Variants in NOS1AP observed in about 807,000 individuals in gnomAD.
NOS1AP encodes the protein carboxyl-terminal PDZ ligand of neuronal nitric oxide synthase protein.
Under a neutral mutation model 56.2 loss-of-function variants are expected in NOS1AP, and 21 were observed. The ratio of observed to expected loss-of-function variants is 0.37; its 90% CI spans 0.26 to 0.54. The LOEUF is 0.54. Among genes scored for constraint, NOS1AP ranks in the 20% least tolerant of loss-of-function variants. The probability of loss-of-function intolerance (pLI) is 0.84; values close to 1 mark genes in which losing one functional copy is unlikely to be tolerated. For synonymous variants in NOS1AP, 270 were observed against 274.6 expected (o/e 0.98, Z 0.17); for missense variants, 522 against 657.8 (o/e 0.79, Z 2.26).
At chr1:162,184,317 A>T (rs1398601642) in intron 2 of NOS1AP, among the ~76,000 whole-genome samples, 1 of 152,242 alleles carries the variant, frequency 6.6e-6, no homozygotes, top group Non-Finnish European at 1.5e-5. Context: ...ACAAATTATC[A>T]TAACAGAGAT....
intron 1 of NOS1AP, among the ~76,000 whole-genome samples, chr1:162,139,615 A>G (rs1267568632): frequency 6.6e-6 from 1 of 152,214 alleles, no homozygotes; most frequent in Non-Finnish European, 1.5e-5. Flanking sequence ...CTTTGTAGGA[A>G]GAACAGGGAT....
intron 4 of NOS1AP, chr1:162,316,855 G>A (rs1191614787): frequency 6.4e-6 from 1 of 156,658 alleles, no homozygotes; most frequent in Non-Finnish European, 1.4e-5. Flanking sequence ...ATCAGTTAAG[G>A]TTATTTTCAC....
At chr1:162,177,671 T>G (rs1446618934) in intron 2 of NOS1AP, among the ~76,000 whole-genome samples, 1 of 152,250 alleles carries the variant, frequency 6.6e-6, no homozygotes, top group Non-Finnish European at 1.5e-5. Flanking sequence ...ATGTGATTTT[T>G]CTATTTTTTA....
chr1:162,277,296 T>C (rs6670809), intron 2 of NOS1AP, among the ~76,000 whole-genome samples: 29,816 of 152,184 alleles, frequency 0.2, 3,051 homozygotes, highest in East Asian at 0.3. Flanking sequence ...GCTGAATGAT[T>C]GCTCGACAGA....
intron 1 of NOS1AP, among the ~76,000 whole-genome samples, chr1:162,121,854 C>T (rs577406005): frequency 9.9e-5 from 15 of 152,240 alleles, no homozygotes; most frequent in African/African-American, 2.9e-4. Flanking sequence ...ATCATGTTCC[C>T]GCACAGAGTA....
chr1:162,127,511 G>A (rs1648542071), intron 1 of NOS1AP, among the ~76,000 whole-genome samples: 1 of 150,682 alleles, frequency 6.6e-6, no homozygotes, highest in Non-Finnish European at 1.5e-5. Flanking sequence ...GAAATAACCT[G>A]AGACTGGGTA....
At chr1:162,364,066 A>AG in intron 8 of NOS1AP, 1 of 985,432 alleles carries the variant, frequency 1.0e-6, no homozygotes, top group East Asian at 1.1e-4. Context: ...CACTTGGCCA[A>AG]GGGTGGCCAA....
intron 2 of NOS1AP, among the ~76,000 whole-genome samples, chr1:162,184,469 C>A (rs1331655291): frequency 5.9e-5 from 9 of 151,992 alleles, no homozygotes; most frequent in African/African-American, 1.9e-4. Context: ...AACAAACAAA[C>A]AAAAAAACCC....
In NOS1AP at chr1:162,369,065, G is replaced by GGT. The variant is rs369596203; in HGVS notation, c.*1613_*1614dup. ...GGTGTCAGTGGAAATAGGATCAGGTGGTGTGTGTGTGTGTGTTTTGTGTGT... is the reference window on the plus strand; with the variant it reads ...GGTGTCAGTGGAAATAGGATCAGGTGGTGTGTGTGTGTGTGTGTTTTGTGTGT... On this transcript the variant is annotated 3_prime_UTR_variant, in exon 10 of 10. Transcript: ENST00000361897. The GGT allele has an allele frequency of 0.075, 11,432 of 151,662 alleles. 512 individuals are homozygous for GGT. Among genetic ancestry groups the GGT allele is most frequent in the South Asian group, 0.13 (625 of 4,778 alleles). The allele number at this position is 151,662 out of a possible 1,614,324, so 9.4% of individuals were successfully genotyped here.
intron 2 of NOS1AP, among the ~76,000 whole-genome samples, chr1:162,241,905 C>T (rs1285665745): frequency 1.3e-5 from 2 of 152,178 alleles, no homozygotes; most frequent in Admixed American, 6.5e-5. Context: ...AATGAAAATC[C>T]TTCCTCCTAA....
intron 8 of NOS1AP, chr1:162,365,086 G>A (rs1658027846): frequency 7.6e-6 from 10 of 1,324,212 alleles, no homozygotes; most frequent in Non-Finnish European, 9.7e-6. Flanking sequence ...GTGCACGTGT[G>A]TGTGTACGTG....
rs1651208144 is a variant in NOS1AP at position 162,180,285 on chromosome 1, C to T, written c.177+25809C>T. ...TTTGAGACAGAGTGTCGCTCTGTCGCCCAGGCTGGAGTGCAGTGGCGCTAT... is the reference window on the plus strand; with the variant it reads ...TTTGAGACAGAGTGTCGCTCTGTCGTCCAGGCTGGAGTGCAGTGGCGCTAT... On this transcript the variant is annotated intron_variant, in intron 2 of 9. Transcript: ENST00000361897. Among the ~76,000 whole-genome samples the T allele has an allele frequency of 2.0e-5, 3 of 152,044 alleles. No homozygotes were observed. In the South Asian group the frequency reaches 6.2e-4, roughly 32 times the overall value.
intron 2 of NOS1AP, among the ~76,000 whole-genome samples, chr1:162,157,945 A>G (rs1045725003): frequency 3.3e-5 from 5 of 152,002 alleles, no homozygotes; most frequent in Admixed American, 2.6e-4. Context: ...TTCTGAATTT[A>G]TGTTATCTGT....
intron 2 of NOS1AP, among the ~76,000 whole-genome samples, chr1:162,255,189 G>T (rs10800386): frequency 0.48 from 72,464 of 151,946 alleles, 18,223 homozygotes; most frequent in East Asian, 0.78. Context: ...GCTCACAGAT[G>T]ACCTTGAGGA....
intron 2 of NOS1AP, among the ~76,000 whole-genome samples, chr1:162,219,340 T>G (rs1240036763): frequency 6.6e-6 from 1 of 152,194 alleles, no homozygotes; most frequent in Non-Finnish European, 1.5e-5. Flanking sequence ...CCCCAGAATA[T>G]GTTTTTAGGT....
In NOS1AP at chr1:162,357,058, G is replaced by A. The variant is rs1657729449; in HGVS notation, c.861G>A (p.Leu287=). Residue 287 remains leucine, a synonymous_variant, in exon 8 of 10, where the codon CTG becomes CTA. Transcript: ENST00000361897. ...CAGGCCTGGGCACAGAGACACCGCT[G>A]TCCACTCACCACCAGATGCAGCTCC... The part of the protein sequence containing the change: ...KPPGLGTETP[L]STHHQMQLLQ... 2.5e-6 allele frequency: 4 copies of A among 1,613,192 alleles called. No individual in the cohort carries two copies. The highest frequency in any genetic ancestry group is 3.4e-6 in the Non-Finnish European group (4 of 1,180,032).
chr1:162,339,576 C>T (rs1657044993), intron 5 of NOS1AP, among the ~76,000 whole-genome samples: 1 of 152,164 alleles, frequency 6.6e-6, no homozygotes, highest in African/African-American at 2.4e-5. Flanking sequence ...GCAACTGCTT[C>T]ACTGTGATCT....
chr1:162,125,394 A>G (rs1238204388), intron 1 of NOS1AP, among the ~76,000 whole-genome samples: 2 of 152,168 alleles, frequency 1.3e-5, no homozygotes, highest in Non-Finnish European at 2.9e-5. Flanking sequence ...TTGGCCTCCC[A>G]AAGTGCTAGG....
intron 1 of NOS1AP, among the ~76,000 whole-genome samples, chr1:162,142,000 T>A (rs1649254535): frequency 6.6e-6 from 1 of 152,174 alleles, no homozygotes; most frequent in African/African-American, 2.4e-5. Flanking sequence ...CATTCATTTG[T>A]TTGGTGGGCC....
Sources: allele counts gnomAD v4.1 joint callset (sites outside exome capture counted in the v4.1 genomes callset), GRCh38; gene constraint gnomAD v4.1.1; transcripts MANE v1.5; gene names NCBI Gene and HGNC (gene_info 2026-07-23, HGNC 2026-07-21).